DCDC1: variants seen among roughly 807,000 people sequenced by gnomAD.
DCDC1 encodes the protein doublecortin domain containing 1.
DCDC1 carries 200 observed loss-of-function variants against 178.3 expected under a neutral mutation model. That is an observed-to-expected ratio of 1.12 (90% CI 1.00 to 1.26). The LOEUF (loss-of-function observed/expected upper bound fraction) is 1.26. Among genes scored for constraint, DCDC1 ranks in the 50% most tolerant of loss-of-function variants. DCDC1 has a pLI of 0.00. For synonymous variants in DCDC1, 690 were observed against 604.8 expected (o/e 1.14, Z -2.07); for missense variants, 1,983 against 1,749.2 (o/e 1.13, Z -2.38).
chr11:31,146,042 T>TAA (rs1410813364), intron 9 of DCDC1, among the ~76,000 whole-genome samples: 1 of 151,846 alleles, frequency 6.6e-6, no homozygotes, highest in Admixed American at 6.6e-5. Context: ...ACTGAATGTC[T>TAA]AAATCAGTTT....
At chr11:31,266,082 T>A (rs1945141868) in intron 7 of DCDC1, among the ~76,000 whole-genome samples, 1 of 152,032 alleles carries the variant, frequency 6.6e-6, no homozygotes, top group Admixed American at 6.6e-5. Flanking sequence ...TCCTTAGCTT[T>A]TAAATGTTTT....
intron 3 of DCDC1, among the ~76,000 whole-genome samples, chr11:31,315,806 TC>T: frequency 1.2e-5 from 1 of 82,632 alleles, no homozygotes; most frequent in Non-Finnish European, 2.3e-5. Flanking sequence ...CCCTCTCCCC[TC>T]CCCCGACCCC....
intron 36 of DCDC1, among the ~76,000 whole-genome samples, chr11:30,884,887 T>C (rs1255852009): frequency 6.6e-6 from 1 of 152,052 alleles, no homozygotes; most frequent in Non-Finnish European, 1.5e-5. Context: ...ATTAATAGTC[T>C]AATACAACTT....
chr11:31,185,315 G>A (rs978821333), intron 9 of DCDC1, among the ~76,000 whole-genome samples: 5 of 152,094 alleles, frequency 3.3e-5, no homozygotes, highest in African/African-American at 1.2e-4. Flanking sequence ...TGTAGATGAC[G>A]GGTTGATGGG....
intron 20 of DCDC1, among the ~76,000 whole-genome samples, chr11:30,985,060 CA>C (rs1341022978): frequency 6.6e-6 from 1 of 152,160 alleles, no homozygotes; most frequent in Non-Finnish European, 1.5e-5. Flanking sequence ...CCTTGTGAAT[CA>C]TCCCAAGAAA....
At chr11:30,965,534 TC>T (rs1236890156) in intron 20 of DCDC1, among the ~76,000 whole-genome samples, 5 of 143,582 alleles carry the variant, frequency 3.5e-5, no homozygotes, top group African/African-American at 1.2e-4. Context: ...TTAGAAAATT[TC>T]TTTTTTTTTT....
At chr11:30,975,027 A>G (rs771441426) in intron 20 of DCDC1, among the ~76,000 whole-genome samples, 6 of 152,142 alleles carry the variant, frequency 3.9e-5, no homozygotes, top group Non-Finnish European at 7.4e-5. Context: ...ACACACCACA[A>G]TCACGTGGGA....
In DCDC1 at chr11:30,925,403, G is replaced by A. The variant is rs531891863; in HGVS notation, c.2903C>T (p.Thr968Ile). ...DISPGRKTQCTEILNLPSAAR... is the reference protein window; with the variant it reads ...DISPGRKTQCIEILNLPSAAR... ...TGCAGAAGGTAAATTTAAAATCTCA[G>A]TGCACCTGTAATAAAAGACACAAAA... is the stretch of plus-strand genomic sequence containing the variant. The change falls in exon 23 of 39, where the codon ACT becomes ATT. Residue 968 changes from threonine (T) to isoleucine (I), a missense_variant. Transcript: ENST00000684477. 13 of 1,613,442 alleles carry A rather than the reference G, an allele frequency of 8.1e-6. No homozygotes were observed. The African/African-American group carries it at 1.2e-4, about 15-fold the overall frequency.
chr11:31,224,071 T>C (rs562368995), intron 9 of DCDC1, among the ~76,000 whole-genome samples: 2 of 152,158 alleles, frequency 1.3e-5, no homozygotes, highest in East Asian at 3.9e-4. Context: ...TTCTTCCTCA[T>C]TGTCTCTTGC....
At chr11:30,881,734 G>A (rs1304306724) in intron 36 of DCDC1, among the ~76,000 whole-genome samples, 1 of 152,152 alleles carries the variant, frequency 6.6e-6, no homozygotes, top group Non-Finnish European at 1.5e-5. Flanking sequence ...TGCTTCAAAA[G>A]AGTCTCCTCA....
intron 1 of DCDC1, among the ~76,000 whole-genome samples, chr11:31,365,298 A>C (rs962434332): frequency 6.6e-6 from 1 of 152,152 alleles, no homozygotes; most frequent in Non-Finnish European, 1.5e-5. Context: ...CTATCTTCCC[A>C]GTAGATTATA....
At chr11:31,220,744 C>T (rs1051829076) in intron 9 of DCDC1, among the ~76,000 whole-genome samples, 3 of 152,182 alleles carry the variant, frequency 2.0e-5, no homozygotes, top group African/African-American at 7.2e-5. Context: ...GCTTGAGCTA[C>T]CATAAGAAAA....
intron 20 of DCDC1, among the ~76,000 whole-genome samples, chr11:31,017,513 T>C (rs1276520680): frequency 6.6e-6 from 1 of 151,804 alleles, no homozygotes; most frequent in Non-Finnish European, 1.5e-5. Context: ...ATAATATTTG[T>C]AAAAGGATCA....
intron 20 of DCDC1, among the ~76,000 whole-genome samples, chr11:30,973,668 T>C (rs983175566): frequency 1.3e-5 from 2 of 152,132 alleles, no homozygotes; most frequent in African/African-American, 4.8e-5. Context: ...CATTATATAA[T>C]GATAAAGTGA....
At chr11:31,364,764 T>C (rs1951877807) in intron 1 of DCDC1, among the ~76,000 whole-genome samples, 3 of 152,102 alleles carry the variant, frequency 2.0e-5, no homozygotes, top group South Asian at 4.1e-4. Context: ...ATGAAAACCA[T>C]TTCTAAAAGA....
intron 29 of DCDC1, among the ~76,000 whole-genome samples, chr11:30,908,634 T>A (rs999996111): frequency 2.0e-5 from 3 of 152,172 alleles, no homozygotes; most frequent in Admixed American, 1.3e-4. Flanking sequence ...AAAACCTAGA[T>A]AATAGTTAAA....
At chr11:31,309,738 T>G (rs764337812) in intron 3 of DCDC1, among the ~76,000 whole-genome samples, 21 of 152,180 alleles carry the variant, frequency 1.4e-4, no homozygotes, top group Non-Finnish European at 2.2e-4. Flanking sequence ...ATACTAATGA[T>G]TTTTAACATA....
intron 6 of DCDC1, among the ~76,000 whole-genome samples, chr11:31,299,868 AT>A (rs200823827): frequency 6.6e-6 from 1 of 151,606 alleles, no homozygotes; most frequent in Admixed American, 6.6e-5. Flanking sequence ...TTATTTATTT[AT>A]TTTTTTTGAG....
At chr11:30,905,497 T>C (rs1189069469) in intron 30 of DCDC1, among the ~76,000 whole-genome samples, 1 of 152,170 alleles carries the variant, frequency 6.6e-6, no homozygotes, top group East Asian at 1.9e-4. Context: ...TACACTAACA[T>C]TATGGATAGC....
Sources: allele counts gnomAD v4.1 joint callset (sites outside exome capture counted in the v4.1 genomes callset), GRCh38; gene constraint gnomAD v4.1.1; transcripts MANE v1.5; gene names NCBI Gene and HGNC (gene_info 2026-07-23, HGNC 2026-07-21).